The following VSIG4 variants were observed in gnomAD, a reference collection of about 807,000 sequenced individuals.
The protein encoded by VSIG4 is V-set and immunoglobulin domain-containing protein 4.
VSIG4 carries 34 observed loss-of-function variants against 23.4 expected under a neutral mutation model. The observed-to-expected ratio is 1.45, with a 90% confidence interval of 1.10 to 1.93. The LOEUF is 1.93. Ranked by LOEUF, VSIG4 falls within the 30% of genes most tolerant of loss-of-function variation. The pLI is 0.00. For missense variants in VSIG4, 433 were observed against 310.8 expected (o/e 1.39, Z -2.96); for synonymous variants, 169 against 120.3 (o/e 1.41, Z -2.65).
intron 1 of VSIG4, among the ~76,000 whole-genome samples, chrX:66,036,656 TATATA>T (rs1196466272): frequency 1.2e-3 from 81 of 65,163 alleles, no homozygotes; most frequent in East Asian, 2.2e-3. Flanking sequence ...AATAATATAA[TATATA>T]ATATAATATA....
chrX:66,024,638 G>A (rs1333261276), intron 6 of VSIG4, among the ~76,000 whole-genome samples: 1 of 111,717 alleles, frequency 9.0e-6, no homozygotes, highest in South Asian at 3.7e-4. Context: ...AGCATTAATT[G>A]TCTTCTCTAG....
intron 6 of VSIG4, among the ~76,000 whole-genome samples, chrX:66,023,642 A>ACAATAGGT (rs2085358209): frequency 8.9e-6 from 1 of 112,244 alleles, no homozygotes; most frequent in South Asian, 3.7e-4. Flanking sequence ...CACCTGTCAC[A>ACAATAGGT]CAATAGGTGC....
intron 1 of VSIG4, 37 bp downstream of exon 1, chrX:66,039,907 G>A: frequency 8.3e-7 from 1 of 1,206,988 alleles, no homozygotes; most frequent in Non-Finnish European, 1.1e-6. Context: ...TTTTGCCTAA[G>A]CCAGCAATGG....
At chrX:66,022,752 C>T (rs1048599564) in intron 7 of VSIG4, 89 bp downstream of exon 7, 3 of 1,204,179 alleles carry the variant, frequency 2.5e-6, no homozygotes, top group East Asian at 3.0e-5. Context: ...TGGGTCTGTG[C>T]CACACCCCCC....
intron 4 of VSIG4, 58 bp from the exon 5 acceptor site, chrX:66,027,584 T>C: frequency 1.0e-6 from 1 of 983,931 alleles, no homozygotes. Context: ...AGTTGAGAGA[T>C]AGGAGATGGT....
chrX:66,022,016 T>G lies in VSIG4; in HGVS notation c.*247A>C. The G allele has an allele frequency of 8.9e-7, 1 of 1,122,729 alleles. No individual in the cohort carries two copies. Among genetic ancestry groups the G allele is most frequent in the Non-Finnish European group, 1.2e-6 (1 of 837,615 alleles). 92.5% of individuals were successfully genotyped at this position (1,122,729 alleles called of 1,213,427 possible). On this transcript the variant is annotated 3_prime_UTR_variant, in exon 8 of 8. Transcript: ENST00000374737. ...GCTATGGGCATCTTCCCTCTGGTAT[T>G]TAGAGAGGAGTACCAGAAGCCCCCG...
rs147948024 is a variant in VSIG4 at position 66,032,700 on chromosome X, C to T, written c.462G>A (p.Thr154=). 3.2e-5 allele frequency: 39 copies of T among 1,209,423 alleles called. No homozygotes were observed. The highest frequency in any genetic ancestry group is 4.0e-5 in the Non-Finnish European group (36 of 895,063). ...GGCTAATCCTCATTCCCTGGGGCAC[C>T]GTGAAGCCATAACCGCTGCCAGTTG... ...TVTTGSGYGF[T]VPQGMRISLQ... The change falls in exon 3 of 8, where the codon ACG becomes ACA. Residue 154 remains threonine, a synonymous_variant. Transcript: ENST00000374737.
intron 3 of VSIG4, among the ~76,000 whole-genome samples, chrX:66,029,355 A>G (rs1221026641): frequency 9.0e-6 from 1 of 111,067 alleles, no homozygotes; most frequent in East Asian, 2.8e-4. Flanking sequence ...GGATTTTCAA[A>G]GGTAAGGCAA....
rs780456012 is a variant in VSIG4, at chrX:66,025,060, G to C, written c.905C>G (p.Ala302Gly). 8.3e-7 allele frequency: 1 copy of C among 1,205,845 alleles called. No individual in the cohort carries two copies. ...SLCCMVVFTM[A>G]YIMLCRKTSQ... is the part of the protein sequence containing the mutation. ...TGTCTTCCGACAGAGCATGATATAG[G>C]CCATGGTAAAAACCACCATACAGCA... is the stretch of plus-strand genomic sequence containing the variant. The change falls in exon 6 of 8, where the codon GCC becomes GGC. Residue 302 changes from alanine (A) to glycine (G), a missense_variant. Ala to Gly is a moderately conservative substitution (Grantham distance 60). Coordinates refer to ENST00000374737, the MANE Select transcript of VSIG4 (RefSeq NM_007268.3).
Position 66,027,533 on chromosome X carries a change from A to G in VSIG4, c.758-7T>C, listed in dbSNP as rs753126202. 2.1e-5 allele frequency: 25 copies of G among 1,167,029 alleles called. No homozygotes were observed. Among genetic ancestry groups the G allele is most frequent in the Non-Finnish European group, 2.9e-5 (25 of 862,338 alleles). ...TGCTTCACTGTAGATGTTGCTATGA[A>G]TATAGAGAATAGGGTCAGAGATGTC... On this transcript the variant is annotated splice_polypyrimidine_tract_variant and splice_region_variant and intron_variant, in intron 4 of 7. Coordinates refer to ENST00000374737, the MANE Select transcript of VSIG4 (RefSeq NM_007268.3).
intron 7 of VSIG4, 100 bp from the exon 8 acceptor site, chrX:66,022,600 C>A (rs1289665916): frequency 3.5e-6 from 4 of 1,149,587 alleles, no homozygotes; most frequent in East Asian, 3.0e-5. Flanking sequence ...TTATCAGGAT[C>A]CTACCACCCA....
At chrX:66,022,812 C>A in intron 7 of VSIG4, 29 bp downstream of exon 7, 1 of 1,210,815 alleles carries the variant, frequency 8.3e-7, no homozygotes, top group South Asian at 1.8e-5. Context: ...GGGACGGGGT[C>A]AAAAATGGAA....
intron 1 of VSIG4, among the ~76,000 whole-genome samples, chrX:66,037,266 TAATAA>T (rs2147678559): frequency 3.9e-4 from 1 of 2,532 alleles, no homozygotes; most frequent in African/African-American, 8.5e-3. Flanking sequence ...ATATATTATA[TAATAA>T]TATAATATAA....
In VSIG4 at chrX:66,021,764, A is replaced by G. The variant is rs1212499205; in HGVS notation, c.*499T>C. The G allele has an allele frequency of 4.5e-6, 1 of 219,800 alleles. No individual in the cohort carries two copies. The highest frequency in any genetic ancestry group is 5.9e-5 in the South Asian group (1 of 16,953). 18.1% of individuals were successfully genotyped at this position (219,800 alleles called of 1,213,427 possible). On this transcript the variant is annotated 3_prime_UTR_variant, in exon 8 of 8. Transcript: ENST00000374737. ...TGCTGTTATGATTAGATATTTATTG[A>G]GCACCAGGAGAGAGTCAGAACATTA... is the stretch of plus-strand genomic sequence containing the variant.
At chrX:66,027,011 C>T (rs1459387230) in intron 5 of VSIG4, among the ~76,000 whole-genome samples, 1 of 111,102 alleles carries the variant, frequency 9.0e-6, no homozygotes, top group African/African-American at 3.3e-5. Flanking sequence ...TCTCTGAGAC[C>T]CTGACTTGGG....
chrX:66,029,144 G>A (rs1406582839), intron 3 of VSIG4, among the ~76,000 whole-genome samples: 1 of 111,308 alleles, frequency 9.0e-6, no homozygotes, highest in Non-Finnish European at 1.9e-5. Context: ...TTTAGATGTG[G>A]CGAAACATAT....
chrX:66,037,838 A>C (rs1310191915), intron 1 of VSIG4, among the ~76,000 whole-genome samples: 1 of 78,062 alleles, frequency 1.3e-5, no homozygotes, highest in Admixed American at 1.3e-4. Context: ...TGTGGTCCTG[A>C]GACCCAGCCT....
intron 3 of VSIG4, among the ~76,000 whole-genome samples, chrX:66,030,309 A>C (rs1026133381): frequency 4.5e-5 from 5 of 111,683 alleles, no homozygotes; most frequent in African/African-American, 1.6e-4. Context: ...GGTGGAAGCT[A>C]CCTTCGTGAG....
intron 1 of VSIG4, among the ~76,000 whole-genome samples, chrX:66,038,144 T>G (rs1215137328): frequency 1.8e-5 from 2 of 111,802 alleles, no homozygotes; most frequent in African/African-American, 3.3e-5. Context: ...AGAAATTTTT[T>G]AAATTTTGAT....
Sources: gnomAD v4.1 joint callset for allele counts (sites outside exome capture counted in the v4.1 genomes callset) on GRCh38, gnomAD v4.1.1 for gene constraint, MANE v1.5 for transcripts, NCBI Gene and HGNC (gene_info 2026-07-23, HGNC 2026-07-21) for gene names.